Variants in FAM171A1 observed in about 807,000 individuals in gnomAD.
FAM171A1 encodes the protein protein FAM171A1.
FAM171A1 carries 23 observed loss-of-function variants against 74.9 expected under a neutral mutation model. That is an observed-to-expected ratio of 0.31 (90% CI 0.22 to 0.44). The LOEUF is 0.44. Ranked by LOEUF, FAM171A1 falls within the 20% of genes least tolerant of loss-of-function variation. The pLI, the probability that FAM171A1 is intolerant of heterozygous loss-of-function variation, is 1.00. For synonymous variants in FAM171A1, 527 were observed against 505.7 expected, an observed-to-expected ratio of 1.04 and a Z score of -0.57; for missense variants, 1,162 against 1,159.2, an observed-to-expected ratio of 1.00 and a Z score of -0.03.
chr10:15,257,534 C>G (rs1271085589), intron 3 of FAM171A1, among the ~76,000 whole-genome samples: 6 of 152,234 alleles, frequency 3.9e-5, no homozygotes, highest in African/African-American at 9.6e-5. Flanking sequence ...TCTCTCTCCC[C>G]ACTTGTGCAG....
intron 1 of FAM171A1, among the ~76,000 whole-genome samples, chr10:15,323,419 C>A (rs1835511053): frequency 6.6e-6 from 1 of 152,182 alleles, no homozygotes; most frequent in Non-Finnish European, 1.5e-5. Flanking sequence ...CGCCATTGCA[C>A]TCCAGCCTGG....
intron 1 of FAM171A1, among the ~76,000 whole-genome samples, chr10:15,370,125 G>T (rs983386193): frequency 7.9e-5 from 12 of 152,034 alleles, no homozygotes; most frequent in Non-Finnish European, 7.4e-5. Flanking sequence ...AGACAGGCTC[G>T]TGGCCATTCT....
intron 3 of FAM171A1, among the ~76,000 whole-genome samples, chr10:15,255,233 T>C (rs943685401): frequency 6.6e-6 from 1 of 152,212 alleles, no homozygotes; most frequent in Admixed American, 6.5e-5. Flanking sequence ...AGTAGATGAC[T>C]ATTAATCTCT....
At chr10:15,262,695 A>T (rs1834673934) in intron 3 of FAM171A1, among the ~76,000 whole-genome samples, 1 of 152,226 alleles carries the variant, frequency 6.6e-6, no homozygotes, top group Admixed American at 6.5e-5. Flanking sequence ...AGGGCTTAAG[A>T]AGAGTTTTGC....
chr10:15,268,875 C>T (rs1380877606), intron 3 of FAM171A1, among the ~76,000 whole-genome samples: 1 of 152,160 alleles, frequency 6.6e-6, no homozygotes, highest in Non-Finnish European at 1.5e-5. Flanking sequence ...AACCCCATCT[C>T]TACTAAAAAT....
At chr10:15,322,896 T>C (rs1184976310) in intron 1 of FAM171A1, among the ~76,000 whole-genome samples, 1 of 152,334 alleles carries the variant, frequency 6.6e-6, no homozygotes, top group African/African-American at 2.4e-5. Context: ...TCCCAGCACT[T>C]TGGGAGGCCC....
At chr10:15,239,564 A>C (rs1834337702) in intron 5 of FAM171A1, among the ~76,000 whole-genome samples, 1 of 152,136 alleles carries the variant, frequency 6.6e-6, no homozygotes, top group Non-Finnish European at 1.5e-5. Context: ...TGGCCTCCCA[A>C]AGTGCTGGGA....
chr10:15,245,639 C>T (rs930536482), intron 5 of FAM171A1, among the ~76,000 whole-genome samples: 4 of 152,216 alleles, frequency 2.6e-5, no homozygotes, highest in African/African-American at 4.8e-5. Context: ...TTGGCCAGGG[C>T]CACACAGCCA....
At chr10:15,360,934 T>C (rs1313206354) in intron 1 of FAM171A1, among the ~76,000 whole-genome samples, 3 of 152,194 alleles carry the variant, frequency 2.0e-5, no homozygotes, top group Non-Finnish European at 4.4e-5. Context: ...TCCCATGGAT[T>C]AAAATAAAAT....
intron 3 of FAM171A1, among the ~76,000 whole-genome samples, chr10:15,263,990 T>C (rs1274251109): frequency 3.3e-5 from 5 of 151,992 alleles, no homozygotes; most frequent in Non-Finnish European, 7.4e-5. Flanking sequence ...AAACTACCTA[T>C]TTATTTGAGA....
intron 1 of FAM171A1, among the ~76,000 whole-genome samples, chr10:15,331,881 A>ATATATATATATATATATG (rs1491185980): frequency 5.5e-5 from 5 of 90,692 alleles, no homozygotes; most frequent in African/African-American, 2.2e-4. Context: ...GTGTGTATAC[A>ATATATATATATATATATG]TATATATATA....
chr10:15,212,954 T>C lies in FAM171A1; in HGVS notation c.2634A>G (p.Lys878=), dbSNP rs1381400039. 1 of 1,614,112 alleles carries C rather than the reference T, an allele frequency of 6.2e-7. No individual in the cohort carries two copies. ...QGEDKKSPWQ[K]REERPLMAFN... ...ACGCCATCAGGGGCCTCTCCTCCCGTTTCTGCCAGGGGCTTTTCTTGTCTT... is the reference window on the plus strand; with the variant it reads ...ACGCCATCAGGGGCCTCTCCTCCCGCTTCTGCCAGGGGCTTTTCTTGTCTT... The change falls in exon 8 of 8, where the codon AAA becomes AAG. Residue 878 remains lysine (K), a synonymous_variant. Coordinates refer to ENST00000378116, the MANE Select transcript of FAM171A1 (RefSeq NM_001010924.2).
chr10:15,221,757 A>G (rs910817765), intron 5 of FAM171A1, among the ~76,000 whole-genome samples: 5 of 151,894 alleles, frequency 3.3e-5, no homozygotes, highest in Non-Finnish European at 4.4e-5. Context: ...CACCACAACA[A>G]TGAAGACTGG....
At position 15,263,745 on chromosome 10, in the gene FAM171A1, A is replaced by ATCTG. The variant is rs1260932504; in HGVS notation, c.419-8867_419-8866insCAGA. On this transcript the variant is annotated intron_variant, in intron 3 of 7. Transcript: ENST00000378116. ...AATCTATCTATCTATCTGTCTGTCTATCTATCTATCTATCTATCTATCTAT... is the reference window on the plus strand; with the variant it reads ...AATCTATCTATCTATCTGTCTGTCTATCTGTCTATCTATCTATCTATCTATCTAT... Among the ~76,000 whole-genome samples the ATCTG allele has an allele frequency of 1.2e-3, 102 of 83,942 alleles. 1 individual carries two copies. The highest frequency in any genetic ancestry group is 3.1e-3 in the Admixed American group (27 of 8,596). 55.1% of individuals were successfully genotyped at this position (83,942 alleles called of 152,430 possible).
In FAM171A1 at chr10:15,214,232, C is replaced by A. The variant is rs767191438; in HGVS notation, c.1356G>T (p.Thr452=). Residue 452 remains threonine (T), a synonymous_variant, in exon 8 of 8, where the codon ACG becomes ACT. Coordinates refer to ENST00000378116, the MANE Select transcript of FAM171A1 (RefSeq NM_001010924.2). ...ISFDNLTPSG[T]LGKDYHKSVE... is the part of the protein sequence containing the mutation. ...CTGACTTATGGTAGTCTTTCCCCAGCGTCCCACTTGGAGTGAGGTTATCAA... is the reference window on the plus strand; with the variant it reads ...CTGACTTATGGTAGTCTTTCCCCAGAGTCCCACTTGGAGTGAGGTTATCAA... The A allele has an allele frequency of 6.2e-7, 1 of 1,614,168 alleles. No homozygotes were observed. Among genetic ancestry groups the A allele is most frequent in the Non-Finnish European group, 8.5e-7 (1 of 1,180,022 alleles).
At chr10:15,343,563 T>A (rs1835788332) in intron 1 of FAM171A1, among the ~76,000 whole-genome samples, 1 of 152,198 alleles carries the variant, frequency 6.6e-6, no homozygotes. Context: ...CAACACCTGA[T>A]GCTTTAGGAA....
intron 1 of FAM171A1, among the ~76,000 whole-genome samples, chr10:15,316,332 G>A (rs1835421243): frequency 6.6e-6 from 1 of 152,216 alleles, no homozygotes; most frequent in East Asian, 1.9e-4. Context: ...TGGTGCCCCA[G>A]GAGGGCAGCG....
intron 3 of FAM171A1, among the ~76,000 whole-genome samples, chr10:15,266,208 TA>T (rs1400183642): frequency 6.6e-6 from 1 of 152,308 alleles, no homozygotes; most frequent in East Asian, 1.9e-4. Flanking sequence ...ATTCAGCCGC[TA>T]TTCTCAACCC....
chr10:15,276,928 C>G (rs1834902653), intron 2 of FAM171A1, among the ~76,000 whole-genome samples: 1 of 152,164 alleles, frequency 6.6e-6, no homozygotes, highest in Non-Finnish European at 1.5e-5. Flanking sequence ...TCAAGCAATC[C>G]TTCCCACCTT....
Sources: gnomAD v4.1 joint callset for allele counts (sites outside exome capture counted in the v4.1 genomes callset) on GRCh38, gnomAD v4.1.1 for gene constraint, MANE v1.5 for transcripts, NCBI Gene and HGNC (gene_info 2026-07-23, HGNC 2026-07-21) for gene names.